Variants in TFAP2E observed in about 807,000 individuals in gnomAD.
TFAP2E encodes transcription factor AP-2 epsilon.
Under a neutral mutation model 37.9 loss-of-function variants are expected in TFAP2E, and 30 were observed. The observed-to-expected ratio is 0.79, with a 90% CI of 0.59 to 1.07. TFAP2E has a LOEUF of 1.07. TFAP2E is among the 50% of genes least tolerant of loss of function. The probability of loss-of-function intolerance (pLI) is 0.00; values close to 1 mark genes in which losing one functional copy is unlikely to be tolerated. For missense variants in TFAP2E, 567 were observed against 637.9 expected (o/e 0.89, Z 1.20); for synonymous variants, 318 against 295.8 (o/e 1.08, Z -0.77).
chr1:35,593,685 G>A (rs1201185999), intron 6 of TFAP2E, among the ~76,000 whole-genome samples: 1 of 152,228 alleles, frequency 6.6e-6, no homozygotes, highest in Non-Finnish European at 1.5e-5. Flanking sequence ...CAAGCACTTT[G>A]TGGGTCTCAG....
At chr1:35,581,988 G>C (rs185597584) in intron 3 of TFAP2E, among the ~76,000 whole-genome samples, 1 of 152,054 alleles carries the variant, frequency 6.6e-6, no homozygotes, top group African/African-American at 2.4e-5. Context: ...CAATTCTCCT[G>C]CCTCAGCCTC....
rs1227269097 is a variant in TFAP2E at position 35,590,967 on chromosome 1, G to A, written c.1046+192G>A. 1.3e-5 allele frequency among the ~76,000 whole-genome samples: 2 copies of A among 151,662 alleles called. No homozygotes were observed. Among genetic ancestry groups the A allele is most frequent in the Non-Finnish European group, 2.9e-5 (2 of 67,848 alleles). ...GTGTACATCAGCAGTGAGCACACAC[G>A]TATGTGTGCGCCACTGTGTACGTGA... is the stretch of plus-strand genomic sequence containing the variant. On this transcript the variant is annotated intron_variant, in intron 6 of 6. Transcript: ENST00000373235. The surrounding 1 kb of genome is among the most constrained non-coding windows in gnomAD (Gnocchi z 6.2).
At chr1:35,585,357 C>T (rs1649454908) in intron 3 of TFAP2E, among the ~76,000 whole-genome samples, 2 of 152,202 alleles carry the variant, frequency 1.3e-5, no homozygotes, top group South Asian at 2.1e-4. Flanking sequence ...AAACCAGGAG[C>T]TTTGTGTCTT....
In TFAP2E at chr1:35,573,779, G is replaced by A; in HGVS notation, c.28-148G>A. ...CCGCTGTCCCCAGCCTGAGGCTCCT[G>A]CGCCCGCGGGTGGCTCGGAAATAAA... On this transcript the variant is annotated intron_variant, in intron 1 of 6. Transcript: ENST00000373235. This position sits in a 1 kb window ranked among gnomAD's most constrained non-coding sequence, Gnocchi z 5.9. The A allele has an allele frequency of 3.6e-6, 5 of 1,373,662 alleles. No individual in the cohort carries two copies. The South Asian group carries it at 7.9e-5, about 22-fold the overall frequency. The allele number at this position is 1,373,662 out of a possible 1,614,324, so 85.1% of individuals were successfully genotyped here.
intron 3 of TFAP2E, among the ~76,000 whole-genome samples, chr1:35,578,220 G>A (rs1276468408): frequency 6.6e-6 from 1 of 152,140 alleles, no homozygotes; most frequent in Non-Finnish European, 1.5e-5. Flanking sequence ...ACAGGACACA[G>A]CATATGCAAA....
At chr1:35,592,881 C>T (rs571973726) in intron 6 of TFAP2E, among the ~76,000 whole-genome samples, 5 of 152,272 alleles carry the variant, frequency 3.3e-5, no homozygotes, top group African/African-American at 9.6e-5. Flanking sequence ...CCATTCATGA[C>T]GGCTCCACCT....
chr1:35,579,485 C>CCT (rs1387075777), intron 3 of TFAP2E, among the ~76,000 whole-genome samples: 2 of 152,054 alleles, frequency 1.3e-5, no homozygotes, highest in African/African-American at 4.8e-5. Context: ...CTCACTGCAA[C>CCT]CTCTGCCTCT....
Position 35,574,389 on chromosome 1 carries a change from C to T in TFAP2E, c.490C>T (p.Pro164Ser), listed in dbSNP as rs1018889361. The T allele has an allele frequency of 2.0e-5, 28 of 1,435,368 alleles. No individual in the cohort carries two copies. Among genetic ancestry groups the T allele is most frequent in the Non-Finnish European group, 2.4e-5 (27 of 1,106,308 alleles). The allele number at this position is 1,435,368 out of a possible 1,614,324, so 88.9% of individuals were successfully genotyped here. Residue 164 changes from proline (P) to serine (S), a missense_variant, in exon 2 of 7, where the codon CCC becomes TCC. Pro to Ser is a moderately conservative substitution (Grantham distance 74). Transcript: ENST00000373235. ...PLGLPGLAAA[P>S]GLEDLQAMDE... ...CGGCCTTCCGGGGCTGGCGGCGGCC[C>T]CCGGTCTGGAGGACCTGCAGGTGAG...
chr1:35,580,385 C>G (rs1344914776), intron 3 of TFAP2E, among the ~76,000 whole-genome samples: 5 of 152,120 alleles, frequency 3.3e-5, no homozygotes, highest in African/African-American at 1.2e-4. Flanking sequence ...TGCTCCAACC[C>G]CTTCAAGCTT....
chr1:35,590,838 G>C lies in TFAP2E; in HGVS notation c.1046+63G>C. On this transcript the variant is annotated intron_variant, in intron 6 of 6. Transcript: ENST00000373235. The surrounding 1 kb of genome is among the most constrained non-coding windows in gnomAD (Gnocchi z 6.2). Reference sequence around the variant, plus strand: ...CATGCACAGACAGACATCATGTATGGGCACAATGGACACCACTGTGTACAT... The same window carrying C: ...CATGCACAGACAGACATCATGTATGCGCACAATGGACACCACTGTGTACAT... 1 of 1,338,234 alleles carries C rather than the reference G, an allele frequency of 7.5e-7. No homozygotes were observed. Among genetic ancestry groups the C allele is most frequent in the East Asian group, 2.8e-5 (1 of 36,076 alleles). The allele number at this position is 1,338,234 out of a possible 1,614,324, so 82.9% of individuals were successfully genotyped here. A position where few individuals can be genotyped will look rare whatever the true frequency, so the allele number is the denominator to read the frequency against.
chr1:35,588,282 G>A lies in TFAP2E; in HGVS notation c.563-48G>A. 1 of 1,548,514 alleles carries A rather than the reference G, an allele frequency of 6.5e-7. No homozygotes were observed. Among genetic ancestry groups the A allele is most frequent in the Non-Finnish European group, 8.8e-7 (1 of 1,138,420 alleles). On this transcript the variant is annotated intron_variant, in intron 3 of 6. Coordinates refer to ENST00000373235, the MANE Select transcript of TFAP2E (RefSeq NM_178548.4). This position sits in a 1 kb window ranked among gnomAD's most constrained non-coding sequence, Gnocchi z 5.1. ...AGGATACCAGACCCTCCCTTGAGTG[G>A]GGCTGTGTGCGGCAGCCACTGGCTC...
At chr1:35,581,895 A>G (rs1571102048) in intron 3 of TFAP2E, among the ~76,000 whole-genome samples, 1 of 142,138 alleles carries the variant, frequency 7.0e-6, no homozygotes, top group Non-Finnish European at 1.5e-5. Flanking sequence ...TATTGTTTTG[A>G]GATGGATTGT....
chr1:35,585,067 G>A (rs1649448354), intron 3 of TFAP2E, among the ~76,000 whole-genome samples: 1 of 152,066 alleles, frequency 6.6e-6, no homozygotes, highest in Non-Finnish European at 1.5e-5. Flanking sequence ...GGGTGAGAGG[G>A]AGCTGGGGGG....
At position 35,588,512 on chromosome 1, in the gene TFAP2E, G is replaced by T. The variant is rs763968050; in HGVS notation, c.745G>T (p.Glu249Ter). The T allele has an allele frequency of 1.9e-6, 3 of 1,604,124 alleles. No individual in the cohort carries two copies. The Admixed American group carries it at 5.0e-5, about 27-fold the overall frequency. Residue 249 changes from glutamate (E) to a stop codon, truncating the protein, a stop_gained, in exon 4 of 7, where the codon GAG (glutamate) becomes TAG (stop). Coordinates refer to ENST00000373235, the MANE Select transcript of TFAP2E (RefSeq NM_178548.4). LOFTEE classifies it high-confidence loss of function. This position sits in a 1 kb window ranked among gnomAD's most constrained non-coding sequence, Gnocchi z 5.1. ...GGTGCAGCGGCGACTCTCGCCTCCC[G>T]AGTGCCTCAACGCCTCCCTCCTGGG... is the stretch of plus-strand genomic sequence containing the variant. The part of the protein sequence containing the change: ...GEVQRRLSPP[E>*]CLNASLLGGV...
intron 3 of TFAP2E, among the ~76,000 whole-genome samples, chr1:35,581,415 C>T (rs1415535240): frequency 6.6e-6 from 1 of 152,110 alleles, no homozygotes. Flanking sequence ...TTTGAGTAAA[C>T]TCCTAGGAGT....
chr1:35,573,741 G>A lies in TFAP2E; in HGVS notation c.27+137G>A. 7.1e-7 allele frequency: 1 copy of A among 1,412,032 alleles called. No homozygotes were observed. The highest frequency in any genetic ancestry group is 9.4e-7 in the Non-Finnish European group (1 of 1,069,328). 87.5% of individuals were successfully genotyped at this position (1,412,032 alleles called of 1,614,324 possible). On this transcript the variant is annotated intron_variant, in intron 1 of 6. Coordinates refer to ENST00000373235, the MANE Select transcript of TFAP2E (RefSeq NM_178548.4). The surrounding 1 kb of genome is among the most constrained non-coding windows in gnomAD (Gnocchi z 5.9). ...CAGGGACTTCGCCAGCTGAGAACGCGATGCGCAAGTGACCGCTGTCCCCAG... is the reference window on the plus strand; with the variant it reads ...CAGGGACTTCGCCAGCTGAGAACGCAATGCGCAAGTGACCGCTGTCCCCAG...
rs139283703 is a variant in TFAP2E, at chr1:35,588,372, T to G, written c.605T>G (p.Leu202Trp). The change falls in exon 4 of 7, where the codon TTG (leucine) becomes TGG (tryptophan). Residue 202 changes from leucine (L) to tryptophan (W), a missense_variant. Around this residue, in one of 3 missense-constraint regions of TFAP2E, gnomAD observed 312 missense variants for 317.4 expected, o/e 0.98. Transcript: ENST00000373235. The surrounding 1 kb of genome is among the most constrained non-coding windows in gnomAD (Gnocchi z 5.1). The stretch of plus-strand genomic sequence containing the variant: ...GCCAGCAGCCTCTCAGCCCTCTCCT[T>G]GGCCAAAGACAGCCTGGTGGGCGGC... ...SKASSLSALSLAKDSLVGGIT... is the reference protein window; with the variant it reads ...SKASSLSALSWAKDSLVGGIT... 183 of 1,613,522 alleles carry G rather than the reference T, an allele frequency of 1.1e-4. 2 individuals carry two copies. Among genetic ancestry groups the G allele is most frequent in the Non-Finnish European group, 1.5e-4 (172 of 1,179,954 alleles).
chr1:35,588,525 C>T lies in TFAP2E; in HGVS notation c.758C>T (p.Ala253Val). The T allele has an allele frequency of 1.3e-6, 2 of 1,599,258 alleles. No individual in the cohort carries two copies. The highest frequency in any genetic ancestry group is 1.7e-6 in the Non-Finnish European group (2 of 1,172,588). The change falls in exon 4 of 7, where the codon GCC becomes GTC. Residue 253 changes from alanine to valine, a missense_variant. Ala to Val is a moderately conservative substitution (Grantham distance 64). Transcript: ENST00000373235. This position sits in a 1 kb window ranked among gnomAD's most constrained non-coding sequence, Gnocchi z 5.1. ...RRLSPPECLN[A>V]SLLGGVLRRA... ...CTCTCGCCTCCCGAGTGCCTCAACG[C>T]CTCCCTCCTGGGGGGTGTCCTCCGC...
chr1:35,577,095 G>A lies in TFAP2E; in HGVS notation c.562+2095G>A, dbSNP rs978160620. Among the ~76,000 whole-genome samples the A allele has an allele frequency of 4.6e-5, 7 of 152,224 alleles. No individual in the cohort carries two copies. The highest frequency in any genetic ancestry group is 1.7e-4 in the African/African-American group (7 of 41,464). ...CGAGTGGAGCGCTGGCGACCTGAGC[G>A]GAGACTGCGCCCTGGACGCCCCAGC... On this transcript the variant is annotated intron_variant, in intron 3 of 6. Transcript: ENST00000373235. The surrounding 1 kb of genome is among the most constrained non-coding windows in gnomAD (Gnocchi z 6.3).
Sources: allele counts gnomAD v4.1 joint callset (sites outside exome capture counted in the v4.1 genomes callset), GRCh38; gene constraint gnomAD v4.1.1; regional missense constraint gnomAD v4.1.1; non-coding constraint Gnocchi (gnomAD v3.1); transcripts MANE v1.5; gene names NCBI Gene and HGNC (gene_info 2026-07-23, HGNC 2026-07-21).